MIDEAS: variants seen among roughly 807,000 people sequenced by gnomAD.
MIDEAS encodes mitotic deacetylase-associated SANT domain protein.
A neutral mutation model predicts 102.7 loss-of-function variants in MIDEAS; 26 were observed. The ratio of observed to expected loss-of-function variants is 0.25; its 90% CI spans 0.19 to 0.35. MIDEAS has a LOEUF of 0.35. Ranked by LOEUF, MIDEAS falls within the 10% of genes least tolerant of loss-of-function variation. The probability of loss-of-function intolerance (pLI) is 1.00; values close to 1 mark genes in which losing one functional copy is unlikely to be tolerated. For synonymous variants in MIDEAS, 585 were observed against 591.0 expected (o/e 0.99, Z 0.15); for missense variants, 1,231 against 1,435.6 (o/e 0.86, Z 2.30).
At position 73,769,970 on chromosome 14, in the gene MIDEAS, A is replaced by G. The variant is rs183875821; in HGVS notation, c.-248+17132T>C. On this transcript the variant is annotated intron_variant, in intron 1 of 11. Coordinates refer to the MIDEAS transcript ENST00000394071. Reference sequence around the variant, plus strand: ...GTAGGTGTATATATTTAGTGTTGCAAGAGTTTAAAACGCTGACCAGGTAAT... The same window carrying G: ...GTAGGTGTATATATTTAGTGTTGCAGGAGTTTAAAACGCTGACCAGGTAAT... Among the ~76,000 whole-genome samples, 639 of 150,302 alleles carry G rather than the reference A, an allele frequency of 4.3e-3. 5 individuals are homozygous for G. The highest frequency in any genetic ancestry group is 0.015 in the African/African-American group (617 of 40,438).
chr14:73,730,920 T>C (rs2140109346), intron 3 of MIDEAS, among the ~76,000 whole-genome samples: 1 of 152,142 alleles, frequency 6.6e-6, no homozygotes, highest in East Asian at 1.9e-4. Flanking sequence ...GTCGTGCCAC[T>C]GCACTCTAGC....
rs769284839 is a variant in MIDEAS at position 73,739,862 on chromosome 14, G to A, written c.147C>T (p.His49=). ...TGGAGACTGCCCCTCCTGGACCCTC[G>A]TGCCCGAGGTACTGCTCCTCCTTCA... ...IRVKEEQYLG[H]EGPGGAVSTS... Residue 49 remains histidine, a synonymous_variant, in exon 2 of 13, where the codon CAC becomes CAT. Transcript: ENST00000423556. 30 of 1,593,066 alleles carry A rather than the reference G, an allele frequency of 1.9e-5. No individual in the cohort carries two copies. The highest frequency in any genetic ancestry group is 2.4e-5 in the Non-Finnish European group (28 of 1,167,210).
upstream of MIDEAS, among the ~76,000 whole-genome samples, chr14:73,761,835 G>A (rs1198344346): frequency 6.6e-6 from 1 of 152,156 alleles, no homozygotes; most frequent in East Asian, 1.9e-4. Flanking sequence ...GAGGTTAAGT[G>A]AATTGCACCA....
intron 11 of MIDEAS, among the ~76,000 whole-genome samples, chr14:73,720,236 C>CTTTTT (rs33980532): frequency 8.6e-6 from 1 of 116,758 alleles, no homozygotes; most frequent in Non-Finnish European, 1.7e-5. Context: ...ACACACATTC[C>CTTTTT]TTTTTTTTTT....
At chr14:73,762,531 GC>G (rs998475065), upstream of MIDEAS, among the ~76,000 whole-genome samples, 21 of 152,260 alleles carry the variant, frequency 1.4e-4, no homozygotes, top group African/African-American at 4.8e-4. Context: ...ATACCAAATA[GC>G]CCCCCCTTGG....
rs1366527838 is a variant in MIDEAS, at chr14:73,738,992, C to A, written c.1017G>T (p.Gln339His). 1 of 1,535,938 alleles carries A rather than the reference C, an allele frequency of 6.5e-7. No individual in the cohort carries two copies. Among genetic ancestry groups the A allele is most frequent in the Non-Finnish European group, 8.8e-7 (1 of 1,142,242 alleles). The change falls in exon 2 of 13, where the codon CAG becomes CAT. Residue 339 changes from glutamine (Q) to histidine (H), a missense_variant. Coordinates refer to ENST00000423556, the MANE Select transcript of MIDEAS (RefSeq NM_001367710.1). The part of the protein sequence containing the change: ...SAPQPALPQV[Q>H]IPFPRRSRRL... ...GGCGGGAGCGGCGGGGGAAGGGGAT[C>A]TGGACCTGAGGTAGCGCTGGCTGCG...
In MIDEAS at chr14:73,719,473, T is replaced by C. The variant is rs780561465; in HGVS notation, c.2966A>G (p.His989Arg). ...SASDILILRSHESNAPGSAGG... is the reference protein window; with the variant it reads ...SASDILILRSRESNAPGSAGG... ...GGCAGACCCAGGGGCGTTGGACTCG[T>C]GGCTCCGGAGGATGAGGATGTCACT... Residue 989 changes from histidine to arginine, a missense_variant, in exon 12 of 13, where the codon CAC becomes CGC. His to Arg is a conservative substitution (Grantham distance 29). Around this residue, in one of 5 missense-constraint regions of MIDEAS, gnomAD observed 391 missense variants for 483.0 expected, o/e 0.81. Transcript: ENST00000423556. 2.5e-6 allele frequency: 4 copies of C among 1,613,932 alleles called. No individual in the cohort carries two copies. In the East Asian group the frequency reaches 8.9e-5, roughly 36 times the overall value.
At chr14:73,730,225 T>C (rs1261421195) in intron 3 of MIDEAS, 11 of 692,114 alleles carry the variant, frequency 1.6e-5, no homozygotes, top group Admixed American at 1.3e-4. Flanking sequence ...GTGGGCCACA[T>C]GTGATCTCTG....
At chr14:73,782,869 G>C (rs2053769004) in intron 1 of MIDEAS, among the ~76,000 whole-genome samples, 1 of 152,250 alleles carries the variant, frequency 6.6e-6, no homozygotes, top group Admixed American at 6.5e-5. Context: ...GCCAGGAGGA[G>C]CCTGAGGGCA....
intron 1 of MIDEAS, among the ~76,000 whole-genome samples, chr14:73,753,785 G>C (rs1218331455): frequency 6.6e-6 from 1 of 152,158 alleles, no homozygotes; most frequent in Non-Finnish European, 1.5e-5. Flanking sequence ...AGGAGAGAGA[G>C]GTCTGGCCAG....
At chr14:73,737,554 A>G (rs2053218847) in intron 2 of MIDEAS, among the ~76,000 whole-genome samples, 1 of 152,076 alleles carries the variant, frequency 6.6e-6, no homozygotes, top group Admixed American at 6.5e-5. Flanking sequence ...TGAGCCCAGG[A>G]AGTTAAGGCT....
intron 1 of MIDEAS, among the ~76,000 whole-genome samples, chr14:73,773,497 A>T (rs964700432): frequency 1.3e-5 from 2 of 151,588 alleles, no homozygotes; most frequent in African/African-American, 4.8e-5. Context: ...CTGGACATCA[A>T]CCCACTCCCT....
chr14:73,772,339 T>C (rs529072006), intron 1 of MIDEAS, among the ~76,000 whole-genome samples: 1 of 152,390 alleles, frequency 6.6e-6, no homozygotes, highest in South Asian at 2.1e-4. Context: ...ACACATGCTC[T>C]ACCCATAACC....
intron 3 of MIDEAS, 137 bp downstream of exon 3, chr14:73,736,861 G>C: frequency 1.1e-6 from 1 of 871,070 alleles, no homozygotes; most frequent in Non-Finnish European, 1.7e-6. Context: ...CCAGAAGTTT[G>C]GTTTGGAAAA....
At chr14:73,780,513 A>G (rs1165385383) in intron 1 of MIDEAS, among the ~76,000 whole-genome samples, 1 of 152,242 alleles carries the variant, frequency 6.6e-6, no homozygotes, top group East Asian at 1.9e-4. Context: ...ATGCATGGGT[A>G]TGACCTATCT....
chr14:73,737,004 T>C lies in MIDEAS; in HGVS notation c.1743A>G (p.Gln581=), dbSNP rs750945231. Residue 581 remains glutamine, a synonymous_variant, in exon 3 of 13, where the codon CAA becomes CAG. Transcript: ENST00000423556. ...GAAGGGGCGCCTCTCATACCTGAGCTTGAGCATCTGTCCCGGGGATTCGGG... is the reference window on the plus strand; with the variant it reads ...GAAGGGGCGCCTCTCATACCTGAGCCTGAGCATCTGTCCCGGGGATTCGGG... ...RSTRIPGTDA[Q]AQAEDMNVKL... is the part of the protein sequence containing the mutation. 6.2e-6 allele frequency: 10 copies of C among 1,611,348 alleles called. No homozygotes were observed. The highest frequency in any genetic ancestry group is 1.3e-5 in the African/African-American group (1 of 74,856).
intron 1 of MIDEAS, among the ~76,000 whole-genome samples, chr14:73,751,730 G>C (rs577399576): frequency 2.0e-5 from 3 of 152,098 alleles, no homozygotes; most frequent in Non-Finnish European, 4.4e-5. Flanking sequence ...GAGAAACTCT[G>C]TCTCTACTAA....
At chr14:73,757,570 G>T (rs559807207) in intron 1 of MIDEAS, among the ~76,000 whole-genome samples, 1 of 152,310 alleles carries the variant, frequency 6.6e-6, no homozygotes, top group African/African-American at 2.4e-5. Context: ...GGATTAGAAG[G>T]ATAAGCTGGA....
intron 1 of MIDEAS, among the ~76,000 whole-genome samples, chr14:73,745,765 C>T (rs1369415002): frequency 6.6e-6 from 1 of 152,238 alleles, no homozygotes; most frequent in Non-Finnish European, 1.5e-5. Context: ...CCACTGGACA[C>T]ATAAGCACTA....
Sources: allele counts gnomAD v4.1 joint callset (sites outside exome capture counted in the v4.1 genomes callset), GRCh38; gene constraint gnomAD v4.1.1; regional missense constraint gnomAD v4.1.1; transcripts MANE v1.5; gene names NCBI Gene and HGNC (gene_info 2026-07-23, HGNC 2026-07-21).